ARVCF: variants seen among roughly 807,000 people sequenced by gnomAD.
ARVCF encodes the protein splicing regulator ARVCF.
Under a neutral mutation model 90.9 loss-of-function variants are expected in ARVCF, and 66 were observed. That is an observed-to-expected ratio of 0.73 (90% CI 0.60 to 0.89). The LOEUF is 0.89. Among genes scored for constraint, ARVCF ranks in the 40% least tolerant of loss-of-function variants. ARVCF has a pLI of 0.00. For missense variants in ARVCF, 1,469 were observed against 1,382.3 expected, an observed-to-expected ratio of 1.06 and a Z score of -1.00; for synonymous variants, 653 against 603.4, an observed-to-expected ratio of 1.08 and a Z score of -1.21.
chr22:19,975,800 G>A (rs1026818472), intron 10 of ARVCF, 43 bp from the exon 11 acceptor site: 5 of 1,597,834 alleles, frequency 3.1e-6, no homozygotes, highest in Non-Finnish European at 4.3e-6. Context: ...ACCCCATATG[G>A]GGAATGGGTG....
At chr22:19,987,107 G>T (rs1343626308) in intron 3 of ARVCF, 1 of 556,772 alleles carries the variant, frequency 1.8e-6, no homozygotes, top group South Asian at 2.1e-5. Context: ...GCCGGGACTC[G>T]GGGGGCGCTG....
intron 1 of ARVCF, among the ~76,000 whole-genome samples, chr22:20,013,251 T>C (rs896324927): frequency 1.3e-5 from 2 of 152,206 alleles, no homozygotes; most frequent in Non-Finnish European, 2.9e-5. Flanking sequence ...GCTGTGGACA[T>C]TGAGGCACAG....
intron 2 of ARVCF, among the ~76,000 whole-genome samples, chr22:20,001,326 C>T (rs1307452903): frequency 1.3e-5 from 2 of 152,166 alleles, no homozygotes; most frequent in Non-Finnish European, 2.9e-5. Flanking sequence ...TTGCACAGAC[C>T]CACCTGCAGG....
chr22:19,981,160 G>A (rs1299369249), intron 5 of ARVCF, 51 bp downstream of exon 5: 14 of 1,465,110 alleles, frequency 9.6e-6, no homozygotes, highest in Non-Finnish European at 1.1e-5. Flanking sequence ...TTGGGGGGTG[G>A]AGGGCAGACT....
downstream of ARVCF, among the ~76,000 whole-genome samples, chr22:19,965,839 C>G (rs1942363120): frequency 6.6e-6 from 1 of 152,050 alleles, no homozygotes; most frequent in Non-Finnish European, 1.5e-5. Context: ...GGAGGGAGAC[C>G]TACAGGCCAA....
intron 2 of ARVCF, among the ~76,000 whole-genome samples, chr22:20,009,201 C>T (rs2041560950): frequency 6.6e-6 from 1 of 152,240 alleles, no homozygotes; most frequent in Non-Finnish European, 1.5e-5. Context: ...TTTGTCCCAA[C>T]CCAGAAGACC....
At position 19,988,116 on chromosome 22, in the gene ARVCF, G is replaced by A. The variant is rs535327074; in HGVS notation, c.210+2469C>T. 2.6e-5 allele frequency among the ~76,000 whole-genome samples: 4 copies of A among 152,280 alleles called. No homozygotes were observed. In the South Asian group the frequency reaches 6.2e-4, roughly 24 times the overall value. On this transcript the variant is annotated intron_variant, in intron 3 of 19. Coordinates refer to ENST00000263207, the MANE Select transcript of ARVCF (RefSeq NM_001670.3). ...GCCCAGGCCTCCCACTGGCTTCTCC[G>A]CAGACCCCTCAGAAAACAGCCTCCG...
At chr22:19,966,963 C>G (rs887757433), downstream of ARVCF, 1 of 985,306 alleles carries the variant, frequency 1.0e-6, no homozygotes, top group African/African-American at 1.7e-5. Context: ...CCTGCTCAGA[C>G]GCTGATGCAT....
downstream of ARVCF, chr22:19,968,891 A>G: frequency 3.0e-6 from 2 of 668,810 alleles, no homozygotes; most frequent in South Asian, 1.7e-5. Context: ...ACCTCTCTGA[A>G]CTGCAACACT....
rs768684700 is a variant in ARVCF, at chr22:19,972,347, T to C, written c.2695+11A>G. 1.2e-5 allele frequency: 19 copies of C among 1,613,582 alleles called. No homozygotes were observed. The East Asian group carries it at 4.0e-4, about 34-fold the overall frequency. On this transcript the variant is annotated intron_variant, in intron 17 of 19. Coordinates refer to ENST00000263207, the MANE Select transcript of ARVCF (RefSeq NM_001670.3). ...GGCACAGAAAACCAACCACACTGCA[T>C]CTGCACTCACCTGGGCCCAGCGCAT...
chr22:19,976,826 C>A lies in ARVCF; in HGVS notation c.1871-103G>T, dbSNP rs1943184411. ...GGAAGCCTCAGGTTCCCACTGCACA[C>A]CCTGGATCAAGCAGGCAGCATGTGG... On this transcript the variant is annotated intron_variant, in intron 9 of 19. Coordinates refer to ENST00000263207, the MANE Select transcript of ARVCF (RefSeq NM_001670.3). 5 of 1,342,446 alleles carry A rather than the reference C, an allele frequency of 3.7e-6. No homozygotes were observed. The South Asian group carries it at 3.8e-5, about 10-fold the overall frequency. The allele number at this position is 1,342,446 out of a possible 1,614,324, so 83.2% of individuals were successfully genotyped here.
At chr22:19,994,989 A>G (rs1385041102) in intron 2 of ARVCF, among the ~76,000 whole-genome samples, 1 of 151,696 alleles carries the variant, frequency 6.6e-6, no homozygotes, top group Non-Finnish European at 1.5e-5. Flanking sequence ...AGACGGGTGA[A>G]TGGATAGGGA....
chr22:19,981,965 C>T lies in ARVCF; in HGVS notation c.337G>A (p.Glu113Lys), dbSNP rs201328909. The T allele has an allele frequency of 5.6e-5, 90 of 1,611,080 alleles. No homozygotes were observed. The highest frequency in any genetic ancestry group is 2.7e-4 in the African/African-American group (20 of 74,424). Residue 113 changes from glutamate (E) to lysine (K), a missense_variant, in exon 4 of 20, where the codon GAA becomes AAA. Physicochemically the swap from Glu to Lys is moderately conservative, Grantham distance 56. Transcript: ENST00000263207. Reference protein sequence around the residue: ...PTSHVSIVTSEDGTTRRTETK... With the variant: ...PTSHVSIVTSKDGTTRRTETK... ...TCGGTGCGCCGGGTTGTGCCATCTT[C>T]GGATGTGACAATAGACACATGGGAA...
At chr22:19,986,245 C>T (rs1483181731) in intron 3 of ARVCF, among the ~76,000 whole-genome samples, 1 of 152,214 alleles carries the variant, frequency 6.6e-6, no homozygotes, top group Non-Finnish European at 1.5e-5. Flanking sequence ...GAGGGCCAGA[C>T]CCTGGGGGCC....
chr22:19,967,226 G>A (rs760630494), downstream of ARVCF: 53 of 1,303,670 alleles, frequency 4.1e-5, no homozygotes, highest in Non-Finnish European at 5.2e-5. Flanking sequence ...ACCAGATTGG[G>A]CTCCTGAGTC....
intron 1 of ARVCF, among the ~76,000 whole-genome samples, chr22:20,011,102 G>C (rs1410689086): frequency 6.6e-6 from 1 of 152,208 alleles, no homozygotes; most frequent in Non-Finnish European, 1.5e-5. Context: ...TGTCTGGGAT[G>C]GGGGACCTGG....
chr22:19,969,032 C>T (rs947572832), downstream of ARVCF: 1 of 288,156 alleles, frequency 3.5e-6, no homozygotes, highest in South Asian at 3.7e-5. Flanking sequence ...AGATATAACT[C>T]GACTTAGTAC....
At chr22:19,985,113 C>T (rs1431285122) in intron 3 of ARVCF, among the ~76,000 whole-genome samples, 1 of 152,220 alleles carries the variant, frequency 6.6e-6, no homozygotes, top group East Asian at 1.9e-4. Context: ...AGACCCAACT[C>T]TGGGCTGCTC....
At chr22:20,010,359 A>T (rs1944781790) in intron 2 of ARVCF, 96 bp downstream of exon 2, 1 of 152,352 alleles carries the variant, frequency 6.6e-6, no homozygotes, top group Admixed American at 6.5e-5. Flanking sequence ...GTCCAGGGCC[A>T]GTCCATCCCT....
Sources: gnomAD v4.1 joint callset for allele counts (sites outside exome capture counted in the v4.1 genomes callset) on GRCh38, gnomAD v4.1.1 for gene constraint, MANE v1.5 for transcripts, NCBI Gene and HGNC (gene_info 2026-07-23, HGNC 2026-07-21) for gene names.